PIP4K2A: variants seen among roughly 807,000 people sequenced by gnomAD.
PIP4K2A encodes the protein phosphatidylinositol-5-phosphate 4-kinase type 2 alpha.
Under a neutral mutation model 42.9 loss-of-function variants are expected in PIP4K2A, and 14 were observed. The ratio of observed to expected loss-of-function variants is 0.33; its 90% CI spans 0.22 to 0.51. The LOEUF is 0.51. Among genes scored for constraint, PIP4K2A ranks in the 20% least tolerant of loss-of-function variants. The pLI is 0.97. For synonymous variants in PIP4K2A, 192 were observed against 192.2 expected, an observed-to-expected ratio of 1.00 and a Z score of 0.01; for missense variants, 434 against 519.8, an observed-to-expected ratio of 0.83 and a Z score of 1.61.
At chr10:22,664,354 G>A (rs138622500) in intron 1 of PIP4K2A, among the ~76,000 whole-genome samples, 215 of 149,070 alleles carry the variant, frequency 1.4e-3, no homozygotes, top group African/African-American at 5.0e-3. Context: ...TAATTTACAT[G>A]GATAACTACT....
At chr10:22,605,189 C>CTTTCTTTTT (rs1254641923) in intron 3 of PIP4K2A, among the ~76,000 whole-genome samples, 1 of 151,080 alleles carries the variant, frequency 6.6e-6, no homozygotes, top group East Asian at 1.9e-4. Context: ...CACACTTTTT[C>CTTTCTTTTT]TTTCTTTTTT....
In PIP4K2A at chr10:22,628,809, T is replaced by C. The variant is rs115526137; in HGVS notation, c.145-19092A>G. On this transcript the variant is annotated intron_variant, in intron 1 of 9. Transcript: ENST00000376573. ...ATATCATGCAGATGAAGCCTTCAGG[T>C]AGCAAGCTTCAGAAAGAACAGACTG... Among the ~76,000 whole-genome samples, 168 of 152,334 alleles carry C rather than the reference T, an allele frequency of 1.1e-3. 1 individual carries two copies. The highest frequency in any genetic ancestry group is 3.8e-3 in the African/African-American group (160 of 41,564).
At position 22,674,471 on chromosome 10, in the gene PIP4K2A, G is replaced by C. The variant is rs975282193; in HGVS notation, c.144+39712C>G. On this transcript the variant is annotated intron_variant, in intron 1 of 9. Transcript: ENST00000376573. ...AGACCAGCTGTTTCTCCTACTCAAA[G>C]TTAATTCCAGCCATCCAGTTACACA... is the stretch of plus-strand genomic sequence containing the variant. 4.8e-5 allele frequency among the ~76,000 whole-genome samples: 7 copies of C among 144,618 alleles called. No homozygotes were observed. The East Asian group carries it at 1.4e-3, about 30-fold the overall frequency. The allele number at this position is 144,618 out of a possible 152,430, so 94.9% of individuals were successfully genotyped here.
intron 3 of PIP4K2A, among the ~76,000 whole-genome samples, chr10:22,595,797 T>C (rs1353007949): frequency 3.3e-5 from 5 of 152,166 alleles, no homozygotes; most frequent in Non-Finnish European, 7.4e-5. Flanking sequence ...TTCTTGTAGA[T>C]TGCATTTAGT....
intron 1 of PIP4K2A, among the ~76,000 whole-genome samples, chr10:22,626,553 G>C (rs1838443288): frequency 6.6e-6 from 1 of 152,170 alleles, no homozygotes; most frequent in East Asian, 1.9e-4. Flanking sequence ...AAATTGAGGA[G>C]AATAAGGATG....
intron 1 of PIP4K2A, among the ~76,000 whole-genome samples, chr10:22,686,470 T>A (rs2130890813): frequency 6.6e-6 from 1 of 152,250 alleles, no homozygotes; most frequent in Non-Finnish European, 1.5e-5. Context: ...ATTTTCTTCT[T>A]ATTGGATTTT....
At chr10:22,629,024 G>T (rs1265556004) in intron 1 of PIP4K2A, among the ~76,000 whole-genome samples, 1 of 152,076 alleles carries the variant, frequency 6.6e-6, no homozygotes, top group Non-Finnish European at 1.5e-5. Flanking sequence ...ATGGTTTGGG[G>T]ACCTCAGAAT....
intron 3 of PIP4K2A, among the ~76,000 whole-genome samples, chr10:22,594,436 C>A (rs1434141531): frequency 6.6e-6 from 1 of 152,190 alleles, no homozygotes; most frequent in Admixed American, 6.5e-5. Context: ...CACTGTGTTG[C>A]CCAGGCTGGA....
At chr10:22,712,913 G>GGTGTGTGTGT (rs35439666) in intron 1 of PIP4K2A, among the ~76,000 whole-genome samples, 4 of 147,600 alleles carry the variant, frequency 2.7e-5, no homozygotes, top group African/African-American at 1.0e-4. Flanking sequence ...CTACATTGAG[G>GGTGTGTGTGT]GTGTGTGTGT....
intron 1 of PIP4K2A, among the ~76,000 whole-genome samples, chr10:22,662,893 A>G (rs992947035): frequency 3.3e-5 from 5 of 152,274 alleles, no homozygotes; most frequent in Non-Finnish European, 5.9e-5. Context: ...GCTTACAGAG[A>G]TATGCACACA....
intron 6 of PIP4K2A, among the ~76,000 whole-genome samples, chr10:22,565,976 AC>A (rs1199730480): frequency 2.6e-5 from 4 of 152,046 alleles, no homozygotes; most frequent in African/African-American, 9.7e-5. Context: ...TGATCTCAAA[AC>A]CCTGTCTCCT....
At position 22,569,304 on chromosome 10, in the gene PIP4K2A, T is replaced by C. The variant is rs573173895; in HGVS notation, c.640-1415A>G. On this transcript the variant is annotated intron_variant, in intron 5 of 9. Transcript: ENST00000376573. ...GCTGGCCCAGGGAAAATGTTCAATGTTTCTCAGGGCGATTCAGAGCAGCCC... is the reference window on the plus strand; with the variant it reads ...GCTGGCCCAGGGAAAATGTTCAATGCTTCTCAGGGCGATTCAGAGCAGCCC... 5.3e-5 allele frequency among the ~76,000 whole-genome samples: 8 copies of C among 152,204 alleles called. No homozygotes were observed. The East Asian group carries it at 1.5e-3, about 29-fold the overall frequency.
intron 4 of PIP4K2A, among the ~76,000 whole-genome samples, chr10:22,577,309 T>G (rs1837147586): frequency 6.6e-6 from 1 of 151,784 alleles, no homozygotes; most frequent in South Asian, 2.1e-4. Context: ...TGAATATTTG[T>G]CCCCTCTAAA....
At chr10:22,568,367 T>C (rs528353956) in intron 5 of PIP4K2A, among the ~76,000 whole-genome samples, 2 of 151,108 alleles carry the variant, frequency 1.3e-5, no homozygotes, top group African/African-American at 4.9e-5. Flanking sequence ...CATCCTCACC[T>C]GCTGACTTTT....
At chr10:22,555,068 T>TC (rs751550083) in intron 6 of PIP4K2A, among the ~76,000 whole-genome samples, 38 of 152,094 alleles carry the variant, frequency 2.5e-4, no homozygotes, top group Non-Finnish European at 4.0e-4. Context: ...GGGACGCCGT[T>TC]CCCCCCGCAG....
chr10:22,704,652 A>G (rs1356915264), intron 1 of PIP4K2A, among the ~76,000 whole-genome samples: 10 of 84,320 alleles, frequency 1.2e-4, no homozygotes, highest in Non-Finnish European at 2.2e-4. Context: ...ACCTCATCTG[A>G]AAAAAAAAAA....
intron 1 of PIP4K2A, among the ~76,000 whole-genome samples, chr10:22,624,138 A>C (rs79905032): frequency 5.3e-5 from 8 of 152,166 alleles, no homozygotes; most frequent in African/African-American, 1.9e-4. Context: ...TATGTTTAAC[A>C]TTGGGCAGTA....
At chr10:22,642,815 T>C (rs1056725157) in intron 1 of PIP4K2A, among the ~76,000 whole-genome samples, 5 of 152,128 alleles carry the variant, frequency 3.3e-5, no homozygotes, top group African/African-American at 1.2e-4. Context: ...GTCTTGTTCA[T>C]TCTAACCTCC....
At chr10:22,624,357 C>G (rs137922279) in intron 1 of PIP4K2A, among the ~76,000 whole-genome samples, 19 of 152,292 alleles carry the variant, frequency 1.2e-4, no homozygotes, top group Non-Finnish European at 2.2e-4. Flanking sequence ...TCAGCAAATA[C>G]TGCGGGCAGA....
Sources: allele counts gnomAD v4.1 joint callset (sites outside exome capture counted in the v4.1 genomes callset), GRCh38; gene constraint gnomAD v4.1.1; transcripts MANE v1.5; gene names NCBI Gene and HGNC (gene_info 2026-07-23, HGNC 2026-07-21).